DHX8: variants seen among roughly 807,000 people sequenced by gnomAD.
DHX8 encodes DEAH-box helicase 8.
DHX8 carries 67 observed loss-of-function variants against 140.7 expected under a neutral mutation model. The observed-to-expected ratio is 0.48, with a 90% confidence interval of 0.39 to 0.58. The LOEUF (loss-of-function observed/expected upper bound fraction) is 0.58, where lower values mean the gene tolerates loss of function less well. DHX8 is among the 20% of genes least tolerant of loss of function. DHX8 has a pLI of 0.00. For missense variants in DHX8, 887 were observed against 1,550.7 expected (o/e 0.57, Z 7.19); for synonymous variants, 533 against 553.2 (o/e 0.96, Z 0.51).
chr17:43,530,607 CGCGTGTGTGTGT>C (rs1253652304), downstream of DHX8, among the ~76,000 whole-genome samples: 16 of 138,734 alleles, frequency 1.2e-4, no homozygotes, highest in East Asian at 2.1e-3. Flanking sequence ...TGTGCACGCG[CGCGTGTGTGTGT>C]GTGTGTGTGT....
At chr17:43,538,058 G>A (rs537296663) in intron 3 of DHX8, among the ~76,000 whole-genome samples, 32 of 151,158 alleles carry the variant, frequency 2.1e-4, no homozygotes, top group African/African-American at 6.3e-4. Context: ...AGAGAATGGC[G>A]TGAACCTGGG....
downstream of DHX8, chr17:43,525,902 A>G: frequency 1.0e-6 from 1 of 985,340 alleles, no homozygotes; most frequent in Non-Finnish European, 1.2e-6. Context: ...TTTCAAGCTG[A>G]GGTTGAAAAG....
At chr17:43,521,051 C>G (rs771323769) in intron 20 of DHX8, among the ~76,000 whole-genome samples, 172 bp downstream of exon 20, 1 of 148,920 alleles carries the variant, frequency 6.7e-6, no homozygotes, top group Non-Finnish European at 1.5e-5. Flanking sequence ...CAATCTCTAC[C>G]TCCCGGGTTC....
chr17:43,512,798 A>G (rs777165776), intron 16 of DHX8, among the ~76,000 whole-genome samples: 1 of 152,154 alleles, frequency 6.6e-6, no homozygotes, highest in Non-Finnish European at 1.5e-5. Flanking sequence ...GAGACTAATA[A>G]TCCTCCAGAT....
In DHX8 at chr17:43,525,298, A is replaced by G. The variant is rs966839454; in HGVS notation, c.*1451A>G. On this transcript the variant is annotated 3_prime_UTR_variant, in exon 23 of 23. Transcript: ENST00000262415. Reference sequence around the variant, plus strand: ...AATGCTAGAACTACTGTAGAACTGTATGCCAGACACTAAGAGAGACTATGT... The same window carrying G: ...AATGCTAGAACTACTGTAGAACTGTGTGCCAGACACTAAGAGAGACTATGT... 1.5e-5 allele frequency: 15 copies of G among 985,438 alleles called. No homozygotes were observed. In the African/African-American group the frequency reaches 2.6e-4, roughly 17 times the overall value. The allele number at this position is 985,438 out of a possible 1,614,324, so 61.0% of individuals were successfully genotyped here. A position where few individuals can be genotyped will look rare whatever the true frequency, so the allele number is the denominator to read the frequency against.
chr17:43,521,238 C>T, intron 20 of DHX8, 131 bp from the exon 21 acceptor site: 1 of 757,352 alleles, frequency 1.3e-6, no homozygotes, highest in Non-Finnish European at 2.1e-6. Context: ...GCTGGGATTA[C>T]AGGCCTGAGC....
chr17:43,499,040 CG>C, intron 10 of DHX8, 81 bp downstream of exon 10: 4 of 1,048,936 alleles, frequency 3.8e-6, no homozygotes, highest in Non-Finnish European at 5.5e-6. Flanking sequence ...ATTAGATCTG[CG>C]TAAGTAGAAC....
chr17:43,517,161 C>T lies in DHX8; in HGVS notation c.2644-6C>T. 1 of 1,612,788 alleles carries T rather than the reference C, an allele frequency of 6.2e-7. No individual in the cohort carries two copies. Among genetic ancestry groups the T allele is most frequent in the Non-Finnish European group, 8.5e-7 (1 of 1,179,402 alleles). ...ATATGTTGCTTTTATATGCCCACCCCTCTAGGCTCAGGCAAAGCAACGAGC... is the reference window on the plus strand; with the variant it reads ...ATATGTTGCTTTTATATGCCCACCCTTCTAGGCTCAGGCAAAGCAACGAGC... On this transcript the variant is annotated splice_region_variant and splice_polypyrimidine_tract_variant and intron_variant, in intron 17 of 22. Transcript: ENST00000262415.
downstream of DHX8, among the ~76,000 whole-genome samples, chr17:43,531,152 C>A (rs117348380): frequency 0.011 from 1,720 of 152,272 alleles, 16 homozygotes; most frequent in Non-Finnish European, 0.019. Context: ...TGTGGTTCAT[C>A]CCCCTGCCCT....
At chr17:43,516,921 T>C (rs1970142820) in intron 17 of DHX8, among the ~76,000 whole-genome samples, 1 of 152,202 alleles carries the variant, frequency 6.6e-6, no homozygotes, top group African/African-American at 2.4e-5. Flanking sequence ...GTCTCAGATC[T>C]GTATAATATT....
At chr17:43,530,949 G>T (rs547837209), downstream of DHX8, among the ~76,000 whole-genome samples, 33 of 152,210 alleles carry the variant, frequency 2.2e-4, no homozygotes, top group African/African-American at 7.5e-4. Context: ...CTCCATTCAG[G>T]AGTAGCTGGG....
At chr17:43,542,789 A>G (rs567003288) in intron 3 of DHX8, among the ~76,000 whole-genome samples, 15 of 152,062 alleles carry the variant, frequency 9.9e-5, no homozygotes, top group Admixed American at 3.9e-4. Context: ...ACCCACCCAC[A>G]CTACCAGGAC....
downstream of DHX8, among the ~76,000 whole-genome samples, chr17:43,530,947 A>G (rs886294841): frequency 6.6e-6 from 1 of 152,152 alleles, no homozygotes; most frequent in Non-Finnish European, 1.5e-5. Flanking sequence ...GACTCCATTC[A>G]GGAGTAGCTG....
downstream of DHX8, chr17:43,526,760 T>C: frequency 8.0e-7 from 1 of 1,242,792 alleles, no homozygotes; most frequent in South Asian, 2.1e-5. Context: ...AGCTTGGCTT[T>C]AATGTGGAAT....
chr17:43,510,020 G>A (rs572899032), intron 16 of DHX8, among the ~76,000 whole-genome samples: 1 of 150,836 alleles, frequency 6.6e-6, no homozygotes, highest in Non-Finnish European at 1.5e-5. Flanking sequence ...TGCCCAGATT[G>A]GAATTTACTG....
intron 1 of DHX8, among the ~76,000 whole-genome samples, chr17:43,488,208 G>A (rs953495397): frequency 6.6e-6 from 1 of 151,970 alleles, no homozygotes; most frequent in African/African-American, 2.4e-5. Context: ...AACTCAGGGG[G>A]CAGAGGTGGC....
chr17:43,540,207 C>T (rs1971452935), intron 3 of DHX8, among the ~76,000 whole-genome samples: 1 of 152,142 alleles, frequency 6.6e-6, no homozygotes, highest in Admixed American at 6.5e-5. Context: ...AATCCCAGCA[C>T]TTTGGGAGGC....
chr17:43,498,022 A>G (rs1259188345), intron 9 of DHX8, among the ~76,000 whole-genome samples: 1 of 152,328 alleles, frequency 6.6e-6, no homozygotes, highest in Admixed American at 6.5e-5. Flanking sequence ...TTCTTTTCAA[A>G]GTAGGTCTGA....
chr17:43,536,982 CAG>C (rs1971276100), intron 3 of DHX8, among the ~76,000 whole-genome samples: 2 of 152,330 alleles, frequency 1.3e-5, no homozygotes, highest in Non-Finnish European at 2.9e-5. Flanking sequence ...CCTCGCCCCT[CAG>C]AGTTTACAAA....
Sources: gnomAD v4.1 joint callset for allele counts (sites outside exome capture counted in the v4.1 genomes callset) on GRCh38, gnomAD v4.1.1 for gene constraint, MANE v1.5 for transcripts, NCBI Gene and HGNC (gene_info 2026-07-23, HGNC 2026-07-21) for gene names.